Variants in PLPP4 observed in about 807,000 individuals in gnomAD.
The protein encoded by PLPP4 is diacylglycerol pyrophosphate like 2.
Under a neutral mutation model 32.2 loss-of-function variants are expected in PLPP4, and 20 were observed. That is an observed-to-expected ratio of 0.62 (90% CI 0.44 to 0.90). The LOEUF (loss-of-function observed/expected upper bound fraction) is 0.90, where lower values mean the gene tolerates loss of function less well. Among genes scored for constraint, PLPP4 ranks in the 40% least tolerant of loss-of-function variants. The probability of loss-of-function intolerance (pLI) is 0.00; values close to 1 mark genes in which losing one functional copy is unlikely to be tolerated. For synonymous variants in PLPP4, 127 were observed against 133.0 expected (o/e 0.95, Z 0.31); for missense variants, 257 against 353.1 (o/e 0.73, Z 2.18).
rs949649207 is a variant in PLPP4, at chr10:120,545,331, C to T, written c.445+24236C>T. Reference sequence around the variant, plus strand: ...TTGTTTTTTTCCCATCTTTGTCTTTCTACTACATCATTGTGATTTTCAGGG... The same window carrying T: ...TTGTTTTTTTCCCATCTTTGTCTTTTTACTACATCATTGTGATTTTCAGGG... On this transcript the variant is annotated intron_variant, in intron 5 of 6. Transcript: ENST00000398250. 2.0e-5 allele frequency among the ~76,000 whole-genome samples: 3 copies of T among 152,140 alleles called. No homozygotes were observed. In the East Asian group the frequency reaches 5.8e-4, roughly 29 times the overall value.
At chr10:120,460,264 A>G (rs1169008865) in intron 1 of PLPP4, among the ~76,000 whole-genome samples, 2 of 152,192 alleles carry the variant, frequency 1.3e-5, no homozygotes, top group Non-Finnish European at 2.9e-5. Context: ...GCTCTTACTC[A>G]TGGATTGTGG....
At chr10:120,489,380 G>A (rs1844606841) in intron 1 of PLPP4, among the ~76,000 whole-genome samples, 1 of 152,196 alleles carries the variant, frequency 6.6e-6, no homozygotes, top group South Asian at 2.1e-4. Flanking sequence ...GTTCACAGGG[G>A]AGCAGACTTC....
chr10:120,506,009 T>C (rs1845472157), intron 2 of PLPP4, among the ~76,000 whole-genome samples: 1 of 152,220 alleles, frequency 6.6e-6, no homozygotes, highest in East Asian at 1.9e-4. Context: ...CAATGGATTG[T>C]TTTGAAGTCT....
intron 2 of PLPP4, among the ~76,000 whole-genome samples, chr10:120,510,820 T>C (rs1237632442): frequency 6.6e-6 from 1 of 152,232 alleles, no homozygotes; most frequent in Non-Finnish European, 1.5e-5. Flanking sequence ...CTATCCATCC[T>C]GATTCACGGA....
At chr10:120,460,050 T>A (rs550294016) in intron 1 of PLPP4, among the ~76,000 whole-genome samples, 294 of 152,282 alleles carry the variant, frequency 1.9e-3, no homozygotes, top group African/African-American at 6.9e-3. Flanking sequence ...AACCAACCCG[T>A]AGATGCTCAG....
At chr10:120,497,980 C>T (rs1364787240) in intron 1 of PLPP4, among the ~76,000 whole-genome samples, 1 of 151,926 alleles carries the variant, frequency 6.6e-6, no homozygotes, top group Non-Finnish European at 1.5e-5. Flanking sequence ...GCGGAGCTTG[C>T]AGTGAGCAGA....
Position 120,569,486 on chromosome 10 carries a change from C to CT in PLPP4, c.446-5639dup, listed in dbSNP as rs113416041. ...GGTAAGAAAAGGAGTTTATAGTCTGCTTTTTTCTGTTTGCATTTCCTGCCT... is the reference window on the plus strand; with the variant it reads ...GGTAAGAAAAGGAGTTTATAGTCTGCTTTTTTTCTGTTTGCATTTCCTGCCT... On this transcript the variant is annotated intron_variant, in intron 5 of 6. Transcript: ENST00000398250. Among the ~76,000 whole-genome samples the CT allele has an allele frequency of 7.7e-3, 1,167 of 152,286 alleles. 15 individuals are homozygous for CT. Among genetic ancestry groups the CT allele is most frequent in the African/African-American group, 0.027 (1,128 of 41,556 alleles).
In PLPP4 at chr10:120,590,583, A is replaced by G. The variant is rs1849963426; in HGVS notation, c.*1081A>G. On this transcript the variant is annotated 3_prime_UTR_variant, in exon 7 of 7. Transcript: ENST00000398250. ...CTCGCTCAGCTCTTTGCATTGTTGAATACAGCCAGTCAATATGAACCTTTT... is the reference window on the plus strand; with the variant it reads ...CTCGCTCAGCTCTTTGCATTGTTGAGTACAGCCAGTCAATATGAACCTTTT... Among the ~76,000 whole-genome samples, 1 of 152,156 alleles carries G rather than the reference A, an allele frequency of 6.6e-6. No individual in the cohort carries two copies. The highest frequency in any genetic ancestry group is 1.5e-5 in the Non-Finnish European group (1 of 68,036).
At chr10:120,571,804 C>G (rs952927440) in intron 5 of PLPP4, among the ~76,000 whole-genome samples, 1 of 152,184 alleles carries the variant, frequency 6.6e-6, no homozygotes. Flanking sequence ...GTGCAGAGAA[C>G]CAAGGCTTCC....
intron 5 of PLPP4, among the ~76,000 whole-genome samples, chr10:120,565,307 GTT>G (rs1271136937): frequency 2.3e-5 from 3 of 131,410 alleles, no homozygotes; most frequent in East Asian, 2.3e-4. Context: ...CCTTTGATTT[GTT>G]TGTGTGGTGT....
chr10:120,480,504 A>G (rs1844148536), intron 1 of PLPP4, among the ~76,000 whole-genome samples: 2 of 152,136 alleles, frequency 1.3e-5, no homozygotes, highest in South Asian at 4.2e-4. Flanking sequence ...TAGAATCAGG[A>G]TTCATAAAAA....
At chr10:120,554,840 C>G (rs1848078626) in intron 5 of PLPP4, among the ~76,000 whole-genome samples, 1 of 152,092 alleles carries the variant, frequency 6.6e-6, no homozygotes, top group Non-Finnish European at 1.5e-5. Flanking sequence ...AAATCTGCCC[C>G]CATGACCAAA....
intron 5 of PLPP4, among the ~76,000 whole-genome samples, chr10:120,551,789 C>A (rs1284513523): frequency 1.3e-5 from 2 of 152,122 alleles, no homozygotes; most frequent in Non-Finnish European, 2.9e-5. Flanking sequence ...ACATGAGTGT[C>A]TATGTTTTGG....
At chr10:120,514,166 A>C (rs912821375) in intron 3 of PLPP4, among the ~76,000 whole-genome samples, 165 bp downstream of exon 3, 2 of 152,232 alleles carry the variant, frequency 1.3e-5, no homozygotes, top group Non-Finnish European at 2.9e-5. Context: ...AAGAAGAGCC[A>C]ACGTGCGGTC....
intron 1 of PLPP4, among the ~76,000 whole-genome samples, chr10:120,470,888 G>A (rs1848491996): frequency 6.6e-6 from 1 of 152,174 alleles, no homozygotes; most frequent in South Asian, 2.1e-4. Flanking sequence ...TATAATTTGG[G>A]TAGGTTGCTT....
chr10:120,555,973 A>G (rs1404688784), intron 5 of PLPP4, among the ~76,000 whole-genome samples: 1 of 152,142 alleles, frequency 6.6e-6, no homozygotes, highest in Non-Finnish European at 1.5e-5. Context: ...GTTTTCTCAG[A>G]CTGGTGGCTT....
chr10:120,558,399 TTTTC>T lies in PLPP4; in HGVS notation c.446-16720_446-16717del, dbSNP rs561738507. Among the ~76,000 whole-genome samples the T allele has an allele frequency of 3.0e-3, 450 of 148,376 alleles. 2 individuals carry two copies. The highest frequency in any genetic ancestry group is 0.01 in the African/African-American group (415 of 40,706). On this transcript the variant is annotated intron_variant, in intron 5 of 6. Transcript: ENST00000398250. Reference sequence around the variant, plus strand: ...ATGTAGCAGGAGTTTATTCATTTTCTTTTCTTTCTTTCTTTTTTTTTTTTTTTGA... The same window carrying T: ...ATGTAGCAGGAGTTTATTCATTTTCTTTTCTTTCTTTTTTTTTTTTTTTGA...
chr10:120,563,117 T>C (rs1848509259), intron 5 of PLPP4, among the ~76,000 whole-genome samples: 1 of 152,130 alleles, frequency 6.6e-6, no homozygotes, highest in Admixed American at 6.5e-5. Context: ...CAGATACCTA[T>C]AATCCCAGCT....
At chr10:120,472,944 A>G (rs1001815693) in intron 1 of PLPP4, among the ~76,000 whole-genome samples, 2 of 152,002 alleles carry the variant, frequency 1.3e-5, no homozygotes, top group African/African-American at 2.4e-5. Flanking sequence ...TGGAATTTTC[A>G]TTTGGTTTTT....
Sources: allele counts gnomAD v4.1 joint callset (sites outside exome capture counted in the v4.1 genomes callset), GRCh38; gene constraint gnomAD v4.1.1; transcripts MANE v1.5; gene names NCBI Gene and HGNC (gene_info 2026-07-23, HGNC 2026-07-21).